The following GPC6 variants were observed in gnomAD, a reference collection of about 807,000 sequenced individuals.
GPC6 encodes the protein glypican-6.
Under a neutral mutation model 55.2 loss-of-function variants are expected in GPC6, and 14 were observed. The ratio of observed to expected loss-of-function variants is 0.25; its 90% CI spans 0.17 to 0.40. GPC6 has a LOEUF of 0.40. Among genes scored for constraint, GPC6 ranks in the 10% least tolerant of loss-of-function variants. GPC6 has a pLI of 1.00. For synonymous variants in GPC6, 278 were observed against 259.6 expected, an observed-to-expected ratio of 1.07 and a Z score of -0.68; for missense variants, 641 against 708.5, an observed-to-expected ratio of 0.90 and a Z score of 1.08.
At chr13:94,163,296 T>C (rs1046339634) in intron 4 of GPC6, among the ~76,000 whole-genome samples, 1 of 152,186 alleles carries the variant, frequency 6.6e-6, no homozygotes, top group African/African-American at 2.4e-5. Flanking sequence ...ACAGTCGTGC[T>C]GGCCAGTTTT....
chr13:93,613,216 G>C (rs1878561381), intron 2 of GPC6, among the ~76,000 whole-genome samples: 1 of 152,088 alleles, frequency 6.6e-6, no homozygotes, highest in Non-Finnish European at 1.5e-5. Flanking sequence ...CTAGTCTCTG[G>C]CTCAAGCACT....
intron 1 of GPC6, among the ~76,000 whole-genome samples, chr13:93,530,314 C>T (rs908494192): frequency 1.3e-5 from 2 of 152,188 alleles, no homozygotes; most frequent in African/African-American, 4.8e-5. Context: ...GAACCATAGT[C>T]CCCACTGTCC....
At chr13:93,631,543 G>A (rs1879435670) in intron 2 of GPC6, among the ~76,000 whole-genome samples, 1 of 152,164 alleles carries the variant, frequency 6.6e-6, no homozygotes, top group Non-Finnish European at 1.5e-5. Flanking sequence ...ACTAATATAT[G>A]TCTCATCTGA....
chr13:93,880,180 A>G (rs796812203), intron 3 of GPC6, among the ~76,000 whole-genome samples: 1 of 151,060 alleles, frequency 6.6e-6, no homozygotes, highest in South Asian at 2.1e-4. Context: ...ATCTAGAACT[A>G]GAAATACCAT....
In GPC6 at chr13:93,578,936, T is replaced by C. The variant is rs540850061; in HGVS notation, c.319+33515T>C. Among the ~76,000 whole-genome samples the C allele has an allele frequency of 9.9e-5, 15 of 152,252 alleles. No individual in the cohort carries two copies. The South Asian group carries it at 2.9e-3, about 29-fold the overall frequency. ...TTAAAATTTTCTTTTGAAATCCTCT[T>C]ATTTACAGCAAAGTTGATGAAACTT... On this transcript the variant is annotated intron_variant, in intron 2 of 8. Transcript: ENST00000377047.
intron 2 of GPC6, among the ~76,000 whole-genome samples, chr13:93,691,678 C>T (rs998859751): frequency 1.5e-4 from 23 of 151,912 alleles, no homozygotes; most frequent in Admixed American, 3.9e-4. Context: ...TTATACAACT[C>T]TTGGTTTTAT....
intron 2 of GPC6, among the ~76,000 whole-genome samples, chr13:93,721,663 A>C (rs1406912846): frequency 1.3e-5 from 2 of 151,790 alleles, no homozygotes; most frequent in Non-Finnish European, 2.9e-5. Context: ...CTTTTCTAAG[A>C]GCAAAAATAT....
At chr13:93,964,890 A>G (rs1285908584) in intron 3 of GPC6, among the ~76,000 whole-genome samples, 1 of 152,138 alleles carries the variant, frequency 6.6e-6, no homozygotes, top group Non-Finnish European at 1.5e-5. Context: ...ACATGGGAAT[A>G]AAAAATGTTG....
intron 1 of GPC6, among the ~76,000 whole-genome samples, chr13:93,509,389 C>G (rs1043464568): frequency 6.6e-6 from 1 of 152,310 alleles, no homozygotes; most frequent in East Asian, 1.9e-4. Flanking sequence ...TCCAATAACA[C>G]GTCATGGTTG....
intron 1 of GPC6, among the ~76,000 whole-genome samples, chr13:93,438,125 A>G (rs1302758234): frequency 6.7e-6 from 1 of 149,460 alleles, no homozygotes; most frequent in Non-Finnish European, 1.5e-5. Flanking sequence ...CTGCTCAGAA[A>G]AAAGTATTAT....
intron 1 of GPC6, among the ~76,000 whole-genome samples, chr13:93,308,149 G>A (rs1393538532): frequency 3.9e-5 from 6 of 152,084 alleles, no homozygotes; most frequent in African/African-American, 1.4e-4. Flanking sequence ...GCCGGGCCTG[G>A]TGGCGGGCGC....
At chr13:93,735,940 C>A (rs149984506) in intron 2 of GPC6, among the ~76,000 whole-genome samples, 1 of 152,152 alleles carries the variant, frequency 6.6e-6, no homozygotes, top group Non-Finnish European at 1.5e-5. Context: ...GTTCCTTTTG[C>A]CTATGGGCGT....
intron 6 of GPC6, among the ~76,000 whole-genome samples, chr13:94,315,298 C>A (rs184005944): frequency 2.7e-4 from 41 of 152,336 alleles, no homozygotes; most frequent in Admixed American, 2.3e-3. Flanking sequence ...CACCTATAAA[C>A]AGTCCCCAAA....
At chr13:94,308,998 A>G (rs1876100065) in intron 6 of GPC6, among the ~76,000 whole-genome samples, 1 of 152,210 alleles carries the variant, frequency 6.6e-6, no homozygotes, top group South Asian at 2.1e-4. Context: ...GCACTGCGAA[A>G]CTATCCAGAT....
chr13:93,506,362 G>T (rs1002125288), intron 1 of GPC6, among the ~76,000 whole-genome samples: 1 of 152,168 alleles, frequency 6.6e-6, no homozygotes, highest in Non-Finnish European at 1.5e-5. Context: ...AATGTTTCCC[G>T]TGCTTTATTC....
intron 6 of GPC6, among the ~76,000 whole-genome samples, chr13:94,340,163 A>C (rs2139154899): frequency 6.6e-6 from 1 of 152,248 alleles, no homozygotes; most frequent in Non-Finnish European, 1.5e-5. Flanking sequence ...AAGGTAAAGA[A>C]TGGTTAAACG....
chr13:93,783,784 A>G (rs935786753), intron 2 of GPC6, among the ~76,000 whole-genome samples: 1 of 151,992 alleles, frequency 6.6e-6, no homozygotes, highest in African/African-American at 2.4e-5. Context: ...CTCCCAACCT[A>G]CTGAACATAT....
intron 4 of GPC6, among the ~76,000 whole-genome samples, chr13:94,039,987 C>A (rs527573892): frequency 1.1e-4 from 17 of 151,962 alleles, no homozygotes; most frequent in Non-Finnish European, 2.1e-4. Context: ...ATGCCTCAAT[C>A]GCTCTCCAAA....
intron 1 of GPC6, among the ~76,000 whole-genome samples, chr13:93,376,167 G>C (rs1874888182): frequency 6.6e-6 from 1 of 151,688 alleles, no homozygotes; most frequent in African/African-American, 2.4e-5. Flanking sequence ...AGTGGAAGTA[G>C]CAAGGTCAGA....
Sources: gnomAD v4.1 joint callset for allele counts (sites outside exome capture counted in the v4.1 genomes callset) on GRCh38, gnomAD v4.1.1 for gene constraint, MANE v1.5 for transcripts, NCBI Gene and HGNC (gene_info 2026-07-23, HGNC 2026-07-21) for gene names.